Variants in ADCY2 observed in about 807,000 individuals in gnomAD.
ADCY2 encodes adenylate cyclase type 2.
ADCY2 carries 31 observed loss-of-function variants against 125.2 expected under a neutral mutation model. The ratio of observed to expected loss-of-function variants is 0.25; its 90% CI spans 0.19 to 0.33. The LOEUF (loss-of-function observed/expected upper bound fraction) is 0.33, where lower values mean the gene tolerates loss of function less well. ADCY2 is among the 10% of genes least tolerant of loss of function. The pLI, the probability that ADCY2 is intolerant of heterozygous loss-of-function variation, is 1.00. For missense variants in ADCY2, 904 were observed against 1,418.2 expected (o/e 0.64, Z 5.82); for synonymous variants, 512 against 548.4 (o/e 0.93, Z 0.93).
At chr5:7,445,248 C>T (rs952026840) in intron 2 of ADCY2, among the ~76,000 whole-genome samples, 1 of 152,106 alleles carries the variant, frequency 6.6e-6, no homozygotes, top group Non-Finnish European at 1.5e-5. Context: ...CATTTGTCCC[C>T]GTGGGAAGTG....
At chr5:7,804,838 T>C (rs1744709123) in intron 22 of ADCY2, 146 bp downstream of exon 22, 2 of 631,538 alleles carry the variant, frequency 3.2e-6, no homozygotes, top group Non-Finnish European at 5.6e-6. Flanking sequence ...TGAGAGAAGA[T>C]GAAAATTCCA....
chr5:7,400,042 C>T (rs1739205810), intron 1 of ADCY2, among the ~76,000 whole-genome samples: 1 of 151,798 alleles, frequency 6.6e-6, no homozygotes, highest in Non-Finnish European at 1.5e-5. Context: ...TTATTATATC[C>T]AAAATCAGCC....
At chr5:7,431,166 A>G (rs1740585134) in intron 2 of ADCY2, among the ~76,000 whole-genome samples, 1 of 152,244 alleles carries the variant, frequency 6.6e-6, no homozygotes, top group Non-Finnish European at 1.5e-5. Context: ...ACAGTAATCA[A>G]GATAGCGTGA....
chr5:7,527,453 C>T (rs150020845), intron 3 of ADCY2, among the ~76,000 whole-genome samples: 2 of 152,276 alleles, frequency 1.3e-5, no homozygotes, highest in East Asian at 3.9e-4. Context: ...ACTTTTCTTA[C>T]ACTTTTATTT....
chr5:7,570,642 T>G (rs1191632600), intron 3 of ADCY2, among the ~76,000 whole-genome samples: 2 of 150,962 alleles, frequency 1.3e-5, no homozygotes, highest in Non-Finnish European at 2.9e-5. Flanking sequence ...AAAAAATGCT[T>G]GTGTTTGGGA....
chr5:7,515,503 C>T (rs1412613124), intron 2 of ADCY2, among the ~76,000 whole-genome samples: 5 of 152,182 alleles, frequency 3.3e-5, no homozygotes. Flanking sequence ...TCTGCTGTTG[C>T]CTGCCATAGG....
chr5:7,697,389 C>T (rs183111282), intron 6 of ADCY2, among the ~76,000 whole-genome samples: 217 of 152,250 alleles, frequency 1.4e-3, no homozygotes, highest in East Asian at 3.9e-3. Context: ...GTTCATGGCT[C>T]ACAGTTCAAT....
chr5:7,408,011 G>A (rs1739566820), intron 1 of ADCY2, among the ~76,000 whole-genome samples: 1 of 151,686 alleles, frequency 6.6e-6, no homozygotes, highest in South Asian at 2.1e-4. Flanking sequence ...TGGGTTTACA[G>A]GCATGTGCCA....
intron 15 of ADCY2, among the ~76,000 whole-genome samples, 197 bp downstream of exon 15, chr5:7,743,949 C>T (rs1212290388): frequency 4.6e-5 from 7 of 152,104 alleles, no homozygotes; most frequent in African/African-American, 7.2e-5. Context: ...AACCAAGACA[C>T]GAATATGAAG....
chr5:7,750,361 A>G (rs375529536), intron 15 of ADCY2, among the ~76,000 whole-genome samples: 2 of 152,236 alleles, frequency 1.3e-5, no homozygotes, highest in African/African-American at 4.8e-5. Context: ...TGAACAATAC[A>G]GGGACCATGC....
intron 2 of ADCY2, among the ~76,000 whole-genome samples, chr5:7,493,421 C>T (rs1233232900): frequency 6.6e-6 from 1 of 151,972 alleles, no homozygotes; most frequent in Non-Finnish European, 1.5e-5. Context: ...GAGGGGGTAT[C>T]GGGTGCCTTT....
chr5:7,477,238 A>C (rs1307003983), intron 2 of ADCY2, among the ~76,000 whole-genome samples: 1 of 152,218 alleles, frequency 6.6e-6, no homozygotes, highest in Non-Finnish European at 1.5e-5. Context: ...AGCCAGGCTA[A>C]ATCAAGAGAC....
At chr5:7,716,681 A>G (rs1185128141) in intron 11 of ADCY2, among the ~76,000 whole-genome samples, 6 of 152,220 alleles carry the variant, frequency 3.9e-5, no homozygotes, top group Admixed American at 2.0e-4. Flanking sequence ...TTTTGACATC[A>G]TAGAAAAATA....
chr5:7,768,906 C>T (rs1164177356), intron 17 of ADCY2, among the ~76,000 whole-genome samples: 1 of 152,144 alleles, frequency 6.6e-6, no homozygotes, highest in Non-Finnish European at 1.5e-5. Flanking sequence ...ACGGGTTTAG[C>T]AGTCCTCAAG....
chr5:7,614,518 G>A lies in ADCY2; in HGVS notation c.571-11649G>A, dbSNP rs564567321. 4.7e-4 allele frequency among the ~76,000 whole-genome samples: 72 copies of A among 152,306 alleles called. 1 individual carries two copies. The South Asian group carries it at 9.1e-3, about 19-fold the overall frequency. Reference sequence around the variant, plus strand: ...GAGACAGAATCTTATCAGCCCAAAAGTCCACCTTTGGTTTTGTTAGCTGTG... The same window carrying A: ...GAGACAGAATCTTATCAGCCCAAAAATCCACCTTTGGTTTTGTTAGCTGTG... On this transcript the variant is annotated intron_variant, in intron 3 of 24. Coordinates refer to ENST00000338316, the MANE Select transcript of ADCY2 (RefSeq NM_020546.3).
At chr5:7,414,447 A>G in intron 1 of ADCY2, 126 bp from the exon 2 acceptor site, 1 of 798,426 alleles carries the variant, frequency 1.3e-6, no homozygotes, top group Non-Finnish European at 1.9e-6. Context: ...TCTACTTTCA[A>G]AACAATTTCT....
chr5:7,704,834 C>T (rs181354768), intron 7 of ADCY2, among the ~76,000 whole-genome samples: 8,130 of 150,736 alleles, frequency 0.054, 575 homozygotes, highest in African/African-American at 0.17. Flanking sequence ...GCCGAGATCA[C>T]GCCACTGCAC....
At chr5:7,782,536 G>A (rs796216445) in intron 18 of ADCY2, among the ~76,000 whole-genome samples, 6 of 152,318 alleles carry the variant, frequency 3.9e-5, no homozygotes, top group African/African-American at 1.4e-4. Flanking sequence ...CACTAATGAA[G>A]CTCCTATAAA....
chr5:7,695,133 T>C lies in ADCY2; in HGVS notation c.870-619T>C, dbSNP rs375761075. ...TGCAGTGCGCACACAGGTGCTGTGT[T>C]TTCCTATTTTAAACACATAAAAAGC... On this transcript the variant is annotated intron_variant, in intron 5 of 24. Coordinates refer to ENST00000338316, the MANE Select transcript of ADCY2 (RefSeq NM_020546.3). 2.0e-5 allele frequency among the ~76,000 whole-genome samples: 3 copies of C among 152,322 alleles called. No homozygotes were observed. The East Asian group carries it at 5.8e-4, about 29-fold the overall frequency.
Sources: gnomAD v4.1 joint callset for allele counts (sites outside exome capture counted in the v4.1 genomes callset) on GRCh38, gnomAD v4.1.1 for gene constraint, MANE v1.5 for transcripts, NCBI Gene and HGNC (gene_info 2026-07-23, HGNC 2026-07-21) for gene names.